The following PROM1 variants were observed in gnomAD, a reference collection of about 807,000 sequenced individuals.
PROM1 encodes prominin 1, also known as prominin-1.
A neutral mutation model predicts 116.9 loss-of-function variants in PROM1; 105 were observed. The ratio of observed to expected loss-of-function variants is 0.90; its 90% CI spans 0.77 to 1.06. The LOEUF is 1.06. Ranked by LOEUF, PROM1 falls within the 50% of genes least tolerant of loss-of-function variation. The pLI is 0.00. For synonymous variants in PROM1, 393 were observed against 387.0 expected, an observed-to-expected ratio of 1.02 and a Z score of -0.18; for missense variants, 1,122 against 1,045.2, an observed-to-expected ratio of 1.07 and a Z score of -1.01.
At chr4:16,008,343 A>G (rs1726047445) in intron 12 of PROM1, among the ~76,000 whole-genome samples, 1 of 151,860 alleles carries the variant, frequency 6.6e-6, no homozygotes, top group Admixed American at 6.6e-5. Context: ...AAACCCCACC[A>G]CTCGCATTTT....
At chr4:16,006,180 AAATG>A (rs999134831) in intron 13 of PROM1, among the ~76,000 whole-genome samples, 1 of 152,258 alleles carries the variant, frequency 6.6e-6, no homozygotes, top group Non-Finnish European at 1.5e-5. Context: ...GTGAGTGAAT[AAATG>A]AATGAATGAA....
chr4:16,032,956 A>G (rs1733078816), intron 5 of PROM1, among the ~76,000 whole-genome samples: 1 of 152,214 alleles, frequency 6.6e-6, no homozygotes, highest in Non-Finnish European at 1.5e-5. Flanking sequence ...TCTTTTCTGC[A>G]TGCTGCCTGC....
intron 5 of PROM1, among the ~76,000 whole-genome samples, chr4:16,031,409 T>C (rs1732668382): frequency 6.6e-6 from 1 of 152,044 alleles, no homozygotes; most frequent in Admixed American, 6.5e-5. Flanking sequence ...CCGAGATTCT[T>C]CTGGTAGCTG....
intron 13 of PROM1, among the ~76,000 whole-genome samples, chr4:16,001,310 T>C (rs1367164493): frequency 1.3e-5 from 2 of 152,156 alleles, no homozygotes; most frequent in Admixed American, 6.5e-5. Context: ...GTTGGTCTTG[T>C]TGCCAGAGAC....
rs748272325 is a variant in PROM1 at position 15,971,072 on chromosome 4, G to T, written c.2593C>A (p.His865Asn). Residue 865 changes from histidine (H) to asparagine (N), a missense_variant, in exon 27 of 28, where the codon CAT (histidine) becomes AAT (asparagine). Transcript: ENST00000447510. The stretch of plus-strand genomic sequence containing the variant: ...AGCAGTTTCAACATCAGCTATCAAT[G>T]TTGTGATGGGCTAAAAAACAAAAAA... ...HNPVMTSPSQH is the reference protein window; with the variant it reads ...HNPVMTSPSQN 1.3e-6 allele frequency: 2 copies of T among 1,578,706 alleles called. No individual in the cohort carries two copies. The highest frequency in any genetic ancestry group is 3.6e-5 in the Admixed American group (2 of 55,902).
intron 26 of PROM1, among the ~76,000 whole-genome samples, chr4:15,974,122 C>CTCTCTT (rs2148993504): frequency 1.2e-5 from 1 of 86,282 alleles, no homozygotes; most frequent in Middle Eastern, 5.4e-3. Context: ...CTCTCTTTCT[C>CTCTCTT]TCTCTCTCTC....
In PROM1 at chr4:16,033,512, G is replaced by A; in HGVS notation, c.304-3C>T. 2 of 1,573,502 alleles carry A rather than the reference G, an allele frequency of 1.3e-6. No individual in the cohort carries two copies. The highest frequency in any genetic ancestry group is 8.6e-7 in the Non-Finnish European group (1 of 1,157,110). ...ATCCCTGCTTCATAGTAGACAATCT[G>A]CAATTCAAACAAAAGAAACAGCACA... On this transcript the variant is annotated splice_region_variant and splice_polypyrimidine_tract_variant and intron_variant, in intron 4 of 27. Coordinates refer to ENST00000447510, the MANE Select transcript of PROM1 (RefSeq NM_006017.3).
chr4:16,017,432 C>A (rs1277250643), intron 9 of PROM1, among the ~76,000 whole-genome samples: 1 of 152,140 alleles, frequency 6.6e-6, no homozygotes, highest in Admixed American at 6.5e-5. Flanking sequence ...ATAGTGATAT[C>A]CAGACACAGA....
intron 2 of PROM1, among the ~76,000 whole-genome samples, chr4:16,072,372 T>C (rs2149568198): frequency 6.6e-6 from 1 of 152,366 alleles, no homozygotes; most frequent in South Asian, 2.1e-4. Context: ...GCTCCAGGGC[T>C]GTCCCTATCT....
intron 26 of PROM1, 140 bp downstream of exon 26, chr4:15,979,255 A>G: frequency 2.2e-6 from 3 of 1,339,992 alleles, no homozygotes; most frequent in Non-Finnish European, 2.0e-6. Context: ...TATGTAGAGC[A>G]TGATTGGAGA....
chr4:16,010,435 C>A (rs1202364789), intron 11 of PROM1, among the ~76,000 whole-genome samples: 56 of 152,286 alleles, frequency 3.7e-4, no homozygotes, highest in Non-Finnish European at 1.6e-4. Flanking sequence ...CTGAGGCTCC[C>A]GGTGAACTTC....
rs558302547 is a variant in PROM1, at chr4:16,063,168, A to T, written c.220+12519T>A. On this transcript the variant is annotated intron_variant, in intron 2 of 27. Transcript: ENST00000447510. ...CAGGAAATGCAGTAGACAGAGGAAC[A>T]TGATAAAGAACACCATAAAGGTGCA... 2.6e-5 allele frequency among the ~76,000 whole-genome samples: 4 copies of T among 152,358 alleles called. No homozygotes were observed. In the South Asian group the frequency reaches 8.3e-4, roughly 32 times the overall value.
rs189310941 is a variant in PROM1 at position 16,041,915 on chromosome 4, C to T, written c.221-2914G>A. On this transcript the variant is annotated intron_variant, in intron 2 of 27. Transcript: ENST00000447510. ...AATTCCTGGACTCAAGTTATCCTCC[C>T]CTCTCCCCTCAGCCTCCTGCATAGC... Among the ~76,000 whole-genome samples, 414 of 151,810 alleles carry T rather than the reference C, an allele frequency of 2.7e-3. 2 individuals carry two copies. The highest frequency in any genetic ancestry group is 7.6e-3 in the African/African-American group (316 of 41,378).
chr4:16,028,076 G>A (rs1731769697), intron 5 of PROM1, among the ~76,000 whole-genome samples: 1 of 150,538 alleles, frequency 6.6e-6, no homozygotes, highest in South Asian at 2.1e-4. Context: ...AGCTACTTGG[G>A]ACACCGACAT....
intron 24 of PROM1, 119 bp downstream of exon 24, chr4:15,980,303 T>TAAAAA (rs58036643): frequency 1.6e-5 from 10 of 610,260 alleles, no homozygotes; most frequent in African/African-American, 4.5e-5. Flanking sequence ...CAACTACTAC[T>TAAAAA]AAAAAAAAAA....
intron 26 of PROM1, among the ~76,000 whole-genome samples, chr4:15,979,159 T>C (rs895210949): frequency 6.6e-6 from 1 of 152,214 alleles, no homozygotes; most frequent in African/African-American, 2.4e-5. Context: ...ACATAGCATT[T>C]TAAGATGACA....
At chr4:15,995,424 A>G (rs1577910649) in intron 15 of PROM1, among the ~76,000 whole-genome samples, 1 of 151,960 alleles carries the variant, frequency 6.6e-6, no homozygotes. Context: ...AGGAGGAGGA[A>G]GAGGAAGAAG....
At chr4:16,067,093 C>A (rs994056966) in intron 2 of PROM1, among the ~76,000 whole-genome samples, 4 of 152,180 alleles carry the variant, frequency 2.6e-5, no homozygotes, top group African/African-American at 9.7e-5. Flanking sequence ...TCACCTGCCA[C>A]TCAAACCCAC....
intron 2 of PROM1, among the ~76,000 whole-genome samples, chr4:16,060,650 A>G (rs2149509140): frequency 6.6e-6 from 1 of 152,272 alleles, no homozygotes; most frequent in South Asian, 2.1e-4. Flanking sequence ...AGAGCCTGAC[A>G]CTCAATAAAC....
Sources: allele counts gnomAD v4.1 joint callset (sites outside exome capture counted in the v4.1 genomes callset), GRCh38; gene constraint gnomAD v4.1.1; transcripts MANE v1.5; gene names NCBI Gene and HGNC (gene_info 2026-07-23, HGNC 2026-07-21).